PARP9: variants seen among roughly 807,000 people sequenced by gnomAD.
The protein encoded by PARP9 is poly(ADP-ribose) polymerase family member 9.
A neutral mutation model predicts 68.8 loss-of-function variants in PARP9; 48 were observed. The ratio of observed to expected loss-of-function variants is 0.70; its 90% CI spans 0.55 to 0.89. The LOEUF (loss-of-function observed/expected upper bound fraction) is 0.89. Among genes scored for constraint, PARP9 ranks in the 40% least tolerant of loss-of-function variants. PARP9 has a pLI of 0.00. For synonymous variants in PARP9, 309 were observed against 333.8 expected (o/e 0.93, Z 0.81); for missense variants, 806 against 969.3 (o/e 0.83, Z 2.24).
intron 10 of PARP9, 32 bp downstream of exon 10, chr3:122,536,136 A>G: frequency 6.2e-7 from 1 of 1,614,172 alleles, no homozygotes; most frequent in South Asian, 1.1e-5. Context: ...AATTCCACAG[A>G]GTAGCCCCAA....
chr3:122,534,765 A>T (rs2077527503), intron 10 of PARP9: 1 of 311,196 alleles, frequency 3.2e-6, no homozygotes, highest in African/African-American at 2.3e-5. Flanking sequence ...AATCCCAGCT[A>T]CCTGGGAGGC....
At chr3:122,534,536 T>A (rs2077509085) in intron 10 of PARP9, 1 of 708,420 alleles carries the variant, frequency 1.4e-6, no homozygotes, top group Admixed American at 6.3e-5. Flanking sequence ...CCTTTTTATA[T>A]CACTATATAA....
chr3:122,540,804 C>A lies in PARP9; in HGVS notation c.1433G>T (p.Arg478Ile). Residue 478 changes from arginine to isoleucine, a missense_variant, in exon 8 of 11, where the codon AGA (arginine) becomes ATA (isoleucine). Around this residue, in one of 2 missense-constraint regions of PARP9, gnomAD observed 680 missense variants for 858.8 expected, o/e 0.79. Transcript: ENST00000682323. The part of the protein sequence containing the change: ...EEKRENGLEA[R>I]SPAINLMGFN... The stretch of plus-strand genomic sequence containing the variant: ...TCCCATCAGATTGATGGCAGGAGAT[C>A]TAGCTTCAAGCCCATTTTCTCTTTT... The A allele has an allele frequency of 6.2e-7, 1 of 1,614,032 alleles. No individual in the cohort carries two copies. The highest frequency in any genetic ancestry group is 8.5e-7 in the Non-Finnish European group (1 of 1,179,998).
intron 9 of PARP9, 60 bp from the exon 10 acceptor site, chr3:122,536,402 T>C (rs893505006): frequency 6.4e-7 from 1 of 1,560,716 alleles, no homozygotes; most frequent in South Asian, 1.2e-5. Context: ...TTAAATTGCC[T>C]GCTATACTGC....
chr3:122,540,344 A>G (rs1207961265), intron 8 of PARP9, 128 bp downstream of exon 8: 5 of 1,226,980 alleles, frequency 4.1e-6, no homozygotes, highest in South Asian at 1.6e-5. Context: ...TGATCTAACA[A>G]AGAACCAGAA....
rs1240130624 is a variant in PARP9 at position 122,540,485 on chromosome 3, A to G, written c.1752T>C (p.Leu584=). ...AAAGTTACTCACCTAACGAGCGCCAAAGGCCTCGCTCCTTTTTCCTTGCCA... is the reference window on the plus strand; with the variant it reads ...AAAGTTACTCACCTAACGAGCGCCAGAGGCCTCGCTCCTTTTTCCTTGCCA... ...EEMARKKERG[L]WRSLGQWTIQ... The change falls in exon 8 of 11, where the codon CTT becomes CTC. Residue 584 remains leucine (L), a synonymous_variant. Transcript: ENST00000682323. 3.7e-6 allele frequency: 6 copies of G among 1,612,950 alleles called. No homozygotes were observed. In the East Asian group the frequency reaches 1.3e-4, roughly 36 times the overall value.
intron 6 of PARP9, 72 bp from the exon 7 acceptor site, chr3:122,545,561 T>TGC: frequency 7.2e-7 from 1 of 1,394,466 alleles, no homozygotes; most frequent in Non-Finnish European, 1.0e-6. Flanking sequence ...TCTCCCTCTC[T>TGC]GCACACACAG....
intron 8 of PARP9, among the ~76,000 whole-genome samples, chr3:122,540,013 T>A (rs1367279640): frequency 1.3e-5 from 2 of 152,240 alleles, no homozygotes; most frequent in African/African-American, 4.8e-5. Flanking sequence ...TACCAATGTA[T>A]AACTTCATTG....
chr3:122,558,329 C>T, intron 3 of PARP9, 105 bp downstream of exon 3: 1 of 1,613,978 alleles, frequency 6.2e-7, no homozygotes, highest in African/African-American at 1.3e-5. Flanking sequence ...AGTCACGCAC[C>T]TGAGCACTTG....
Position 122,540,553 on chromosome 3 carries a change from C to T in PARP9, c.1684G>A (p.Val562Ile). 5 of 1,614,212 alleles carry T rather than the reference C, an allele frequency of 3.1e-6. No homozygotes were observed. The highest frequency in any genetic ancestry group is 4.2e-6 in the Non-Finnish European group (5 of 1,180,032). Reference sequence around the variant, plus strand: ...CAAAGCATATCTTCAATGTTCATAACCACCTCAATGAGGTCAGCCCGGGCT... The same window carrying T: ...CAAAGCATATCTTCAATGTTCATAATCACCTCAATGAGGTCAGCCCGGGCT... ...EGARADLIEV[V>I]MNIEDMLCKV... Residue 562 changes from valine (V) to isoleucine (I), a missense_variant, in exon 8 of 11, where the codon GTT becomes ATT. Physicochemically the swap from Val to Ile is conservative, Grantham distance 29 (BLOSUM62 3). Around this residue, in one of 2 missense-constraint regions of PARP9, gnomAD observed 680 missense variants for 858.8 expected, o/e 0.79. Coordinates refer to ENST00000682323, the MANE Select transcript of PARP9 (RefSeq NM_001146105.2).
At chr3:122,541,852 G>C (rs2078254569) in intron 7 of PARP9, among the ~76,000 whole-genome samples, 1 of 152,180 alleles carries the variant, frequency 6.6e-6, no homozygotes. Flanking sequence ...TCCCACATAT[G>C]CCTCCCAGTG....
intron 6 of PARP9, among the ~76,000 whole-genome samples, chr3:122,549,291 C>T (rs936506510): frequency 3.9e-4 from 60 of 152,322 alleles, no homozygotes; most frequent in African/African-American, 1.4e-3. Context: ...GCTGGGATTA[C>T]AGGCGTGAGC....
intron 7 of PARP9, among the ~76,000 whole-genome samples, chr3:122,542,672 G>T (rs377178255): frequency 3.3e-5 from 5 of 151,598 alleles, no homozygotes; most frequent in East Asian, 2.0e-4. Flanking sequence ...TAGAGATGGG[G>T]TTTCACCATG....
In PARP9 at chr3:122,555,719, C is replaced by T. The variant is rs772431628; in HGVS notation, c.452G>A (p.Gly151Glu). 7.1e-5 allele frequency: 114 copies of T among 1,614,018 alleles called. No individual in the cohort carries two copies. Among genetic ancestry groups the T allele is most frequent in the Non-Finnish European group, 9.6e-5 (113 of 1,180,006 alleles). ...GATGATCTGTTTGCAGGGAAGCCTC[C>T]CTGCTCCCGTGACAGCTATCTCACC... ...SAGEIAVTGA[G>E]RLPCKQIIHA... Residue 151 changes from glycine (G) to glutamate (E), a missense_variant, in exon 4 of 11, where the codon GGG becomes GAG. This residue lies in a region of PARP9 where 680 missense variants were observed against 858.8 expected (regional missense o/e 0.79). Transcript: ENST00000682323.
At chr3:122,528,827 C>G in intron 10 of PARP9, 84 bp from the exon 11 acceptor site, 4 of 1,254,690 alleles carry the variant, frequency 3.2e-6, no homozygotes. Context: ...TCTATTCTTT[C>G]TTTAGTCTTC....
At chr3:122,563,254 C>T (rs545326017) in intron 1 of PARP9, among the ~76,000 whole-genome samples, 9 of 152,212 alleles carry the variant, frequency 5.9e-5, no homozygotes, top group African/African-American at 2.2e-4. Context: ...ATGTCCTGTC[C>T]AGGGTGGACT....
At chr3:122,534,208 T>C in intron 10 of PARP9, 2 of 814,610 alleles carry the variant, frequency 2.5e-6, no homozygotes. Context: ...CAGAAGAAAT[T>C]AGGCCTCGTG....
At chr3:122,549,775 C>A (rs891817462) in intron 6 of PARP9, among the ~76,000 whole-genome samples, 1 of 151,138 alleles carries the variant, frequency 6.6e-6, no homozygotes, top group Non-Finnish European at 1.5e-5. Flanking sequence ...AGCAAGATCA[C>A]ATCTGTTTAA....
At chr3:122,557,388 T>C (rs1433863182) in intron 3 of PARP9, among the ~76,000 whole-genome samples, 2 of 152,232 alleles carry the variant, frequency 1.3e-5, no homozygotes, top group African/African-American at 2.4e-5. Context: ...TGGCACAATT[T>C]TGGTGAAATT....
Sources: allele counts gnomAD v4.1 joint callset (sites outside exome capture counted in the v4.1 genomes callset), GRCh38; gene constraint gnomAD v4.1.1; regional missense constraint gnomAD v4.1.1; transcripts MANE v1.5; gene names NCBI Gene and HGNC (gene_info 2026-07-23, HGNC 2026-07-21).